CNTLN: variants seen among roughly 807,000 people sequenced by gnomAD.
CNTLN encodes centlein, also known as centlein, centrosomal protein.
CNTLN carries 212 observed loss-of-function variants against 180.0 expected under a neutral mutation model. The ratio of observed to expected loss-of-function variants is 1.18; its 90% confidence interval spans 1.05 to 1.32. The LOEUF is 1.32. Among genes scored for constraint, CNTLN ranks in the 40% most tolerant of loss-of-function variants. The pLI is 0.00. For missense variants in CNTLN, 2,095 were observed against 1,610.9 expected (o/e 1.30, Z -5.14); for synonymous variants, 722 against 563.1 (o/e 1.28, Z -3.99).
intron 8 of CNTLN, among the ~76,000 whole-genome samples, chr9:17,316,936 T>C (rs1369690984): frequency 6.6e-6 from 1 of 152,160 alleles, no homozygotes; most frequent in Non-Finnish European, 1.5e-5. Context: ...CTGCCCTTTA[T>C]GCTTTTATTG....
intron 19 of CNTLN, among the ~76,000 whole-genome samples, chr9:17,461,673 TA>T: frequency 6.6e-6 from 1 of 151,826 alleles, no homozygotes; most frequent in East Asian, 1.9e-4. Context: ...GGAATAGTTC[TA>T]ATAGAAAAAA....
At chr9:17,392,594 A>G (rs1181571333) in intron 14 of CNTLN, among the ~76,000 whole-genome samples, 3 of 152,204 alleles carry the variant, frequency 2.0e-5, no homozygotes, top group African/African-American at 4.8e-5. Flanking sequence ...GTTTGAGACA[A>G]AATTTTTCAG....
chr9:17,450,690 TG>T (rs1830731360), intron 18 of CNTLN, among the ~76,000 whole-genome samples: 1 of 152,166 alleles, frequency 6.6e-6, no homozygotes, highest in Admixed American at 6.5e-5. Flanking sequence ...TTCATTTGCT[TG>T]ACATTTTGTG....
intron 7 of CNTLN, among the ~76,000 whole-genome samples, chr9:17,303,825 A>C (rs1818528608): frequency 1.3e-5 from 2 of 152,174 alleles, no homozygotes; most frequent in Non-Finnish European, 2.9e-5. Flanking sequence ...GATTCATTTT[A>C]ATATTTTCGA....
At chr9:17,337,768 A>T (rs1821151643) in intron 10 of CNTLN, among the ~76,000 whole-genome samples, 1 of 152,200 alleles carries the variant, frequency 6.6e-6, no homozygotes, top group Non-Finnish European at 1.5e-5. Context: ...TAAGAATCTC[A>T]GTTTGTTCCA....
chr9:17,456,037 G>C (rs1300492739), intron 18 of CNTLN, among the ~76,000 whole-genome samples: 3 of 151,898 alleles, frequency 2.0e-5, no homozygotes, highest in Non-Finnish European at 2.9e-5. Flanking sequence ...GGGAGAGAGA[G>C]GGTTGTTGTA....
At chr9:17,162,688 C>A (rs1819766912) in intron 2 of CNTLN, among the ~76,000 whole-genome samples, 1 of 152,056 alleles carries the variant, frequency 6.6e-6, no homozygotes, top group Admixed American at 6.5e-5. Context: ...ATTTGCTTTA[C>A]TTTTATTGCA....
At chr9:17,165,643 T>C (rs1021483692) in intron 2 of CNTLN, among the ~76,000 whole-genome samples, 1 of 152,196 alleles carries the variant, frequency 6.6e-6, no homozygotes, top group Admixed American at 6.5e-5. Flanking sequence ...GTTTATTTCC[T>C]TGAAAAATTG....
chr9:17,158,252 G>A (rs1312478308), intron 2 of CNTLN, among the ~76,000 whole-genome samples: 4 of 151,988 alleles, frequency 2.6e-5, no homozygotes, highest in Non-Finnish European at 5.9e-5. Context: ...TAAATTCTTG[G>A]TCATGGTATA....
chr9:17,393,628 C>G (rs986015613), intron 14 of CNTLN, among the ~76,000 whole-genome samples: 25 of 152,270 alleles, frequency 1.6e-4, no homozygotes, highest in African/African-American at 5.8e-4. Flanking sequence ...GTTCTACATA[C>G]CTCACGTTTT....
At chr9:17,440,162 C>G (rs1346668812) in intron 18 of CNTLN, among the ~76,000 whole-genome samples, 2 of 152,068 alleles carry the variant, frequency 1.3e-5, no homozygotes, top group Admixed American at 6.5e-5. Flanking sequence ...TCATACAATG[C>G]TATGGGAATG....
chr9:17,254,756 C>A (rs934903553), intron 5 of CNTLN, among the ~76,000 whole-genome samples: 3 of 151,324 alleles, frequency 2.0e-5, no homozygotes, highest in African/African-American at 7.3e-5. Context: ...TTCAGAATTG[C>A]TGTGGCTGTT....
rs994584692 is a variant in CNTLN, at chr9:17,219,982, C to T, written c.450-6221C>T. 2.6e-5 allele frequency among the ~76,000 whole-genome samples: 4 copies of T among 152,082 alleles called. No individual in the cohort carries two copies. In the South Asian group the frequency reaches 8.3e-4, roughly 32 times the overall value. ...CTAATTGCCTTTCATAGGCCTACCT[C>T]CAAATACTATGACATTGGTTATTAG... On this transcript the variant is annotated intron_variant, in intron 2 of 25. Transcript: ENST00000380647.
chr9:17,187,184 A>G (rs1821482023), intron 2 of CNTLN, among the ~76,000 whole-genome samples: 1 of 152,118 alleles, frequency 6.6e-6, no homozygotes, highest in Admixed American at 6.5e-5. Context: ...GGTAAGTTAC[A>G]TAACTTCTAA....
chr9:17,301,255 T>C, intron 7 of CNTLN: 3 of 985,444 alleles, frequency 3.0e-6, no homozygotes, highest in Non-Finnish European at 3.6e-6. Flanking sequence ...TTGGCGAACT[T>C]GCCGTAACCT....
chr9:17,263,327 T>A (rs10756857), intron 5 of CNTLN, among the ~76,000 whole-genome samples: 76,683 of 149,360 alleles, frequency 0.51, 21,068 homozygotes, highest in South Asian at 0.77. Context: ...TTTGCTGAGA[T>A]TGATGGTTTC....
At position 17,357,225 on chromosome 9, in the gene CNTLN, A is replaced by G. The variant is rs553324483; in HGVS notation, c.1887-9392A>G. On this transcript the variant is annotated intron_variant, in intron 12 of 25. Coordinates refer to ENST00000380647, the MANE Select transcript of CNTLN (RefSeq NM_017738.4). ...GGCTGAATAATGTTTCATTTTATGT[A>G]TATACCACATTTTGTTTATTCAGCC... Among the ~76,000 whole-genome samples the G allele has an allele frequency of 3.0e-4, 45 of 151,958 alleles. 1 individual carries two copies. Among genetic ancestry groups the G allele is most frequent in the African/African-American group, 1.0e-3 (42 of 41,498 alleles).
chr9:17,502,333 CT>C (rs1331175731), intron 25 of CNTLN, among the ~76,000 whole-genome samples: 1 of 152,082 alleles, frequency 6.6e-6, no homozygotes, highest in East Asian at 1.9e-4. Flanking sequence ...AGGCGTTTAT[CT>C]TTTTTCATTT....
intron 13 of CNTLN, among the ~76,000 whole-genome samples, chr9:17,376,624 TG>T (rs1250991374): frequency 6.6e-6 from 1 of 151,988 alleles, no homozygotes; most frequent in Non-Finnish European, 1.5e-5. Context: ...GCTAATTTTT[TG>T]TATTTTTAGT....
Sources: allele counts gnomAD v4.1 joint callset (sites outside exome capture counted in the v4.1 genomes callset), GRCh38; gene constraint gnomAD v4.1.1; transcripts MANE v1.5; gene names NCBI Gene and HGNC (gene_info 2026-07-23, HGNC 2026-07-21).